PAK5: variants seen among roughly 807,000 people sequenced by gnomAD.
The protein encoded by PAK5 is serine/threonine-protein kinase PAK 5.
Under a neutral mutation model 65.9 loss-of-function variants are expected in PAK5, and 16 were observed. That is an observed-to-expected ratio of 0.24 (90% CI 0.16 to 0.37). The LOEUF (loss-of-function observed/expected upper bound fraction) is 0.37. Among genes scored for constraint, PAK5 ranks in the 10% least tolerant of loss-of-function variants. The pLI is 1.00. For missense variants in PAK5, 785 were observed against 903.9 expected (o/e 0.87, Z 1.69); for synonymous variants, 371 against 354.9 (o/e 1.05, Z -0.51).
intron 1 of PAK5, among the ~76,000 whole-genome samples, chr20:9,789,403 T>C (rs2049026180): frequency 6.6e-6 from 1 of 152,162 alleles, no homozygotes; most frequent in Non-Finnish European, 1.5e-5. Context: ...TAGGCTCGGC[T>C]CTTCAAGGTG....
At chr20:9,540,690 G>T (rs185822357) in intron 9 of PAK5, among the ~76,000 whole-genome samples, 43 of 151,442 alleles carry the variant, frequency 2.8e-4, no homozygotes, top group African/African-American at 9.2e-4. Context: ...AAGAACATTG[G>T]CACTCACTGG....
chr20:9,763,193 T>A (rs2048719811), intron 1 of PAK5, among the ~76,000 whole-genome samples: 1 of 152,150 alleles, frequency 6.6e-6, no homozygotes. Context: ...AGATCTACTA[T>A]ATAGCATAGT....
chr20:9,771,379 G>A (rs906572672), intron 1 of PAK5, among the ~76,000 whole-genome samples: 3 of 151,664 alleles, frequency 2.0e-5, no homozygotes, highest in South Asian at 2.1e-4. Flanking sequence ...ATAGCGGAGT[G>A]TCAAGAAAGA....
At chr20:9,746,082 A>T (rs989796319) in intron 1 of PAK5, among the ~76,000 whole-genome samples, 1 of 152,116 alleles carries the variant, frequency 6.6e-6, no homozygotes, top group Non-Finnish European at 1.5e-5. Context: ...CAGAGAATAA[A>T]ATCTTCTCTT....
In PAK5 at chr20:9,593,221, T is replaced by C. The variant is rs1488600792; in HGVS notation, c.205-12291A>G. Among the ~76,000 whole-genome samples, 3 of 152,056 alleles carry C rather than the reference T, an allele frequency of 2.0e-5. No individual in the cohort carries two copies. In the East Asian group the frequency reaches 5.8e-4, roughly 29 times the overall value. ...CAAGAGGCTGAGGTCGGAGGATCCC[T>C]TGAGCCCAGGAGTTGGAGTTTGCAG... On this transcript the variant is annotated intron_variant, in intron 3 of 9. Coordinates refer to ENST00000353224, the MANE Select transcript of PAK5 (RefSeq NM_177990.4).
intron 2 of PAK5, among the ~76,000 whole-genome samples, chr20:9,680,303 T>G (rs1413096191): frequency 6.6e-6 from 1 of 152,176 alleles, no homozygotes; most frequent in Admixed American, 6.5e-5. Flanking sequence ...CTGTCTTAGT[T>G]TGGGTTCTCA....
At chr20:9,817,432 T>A (rs1419658418) in intron 1 of PAK5, among the ~76,000 whole-genome samples, 1 of 152,180 alleles carries the variant, frequency 6.6e-6, no homozygotes, top group Non-Finnish European at 1.5e-5. Flanking sequence ...ACAATAGTGA[T>A]CTCTTAATAT....
chr20:9,791,157 T>C (rs1345448949), intron 1 of PAK5, among the ~76,000 whole-genome samples: 1 of 152,172 alleles, frequency 6.6e-6, no homozygotes, highest in Non-Finnish European at 1.5e-5. Flanking sequence ...ACAACTCACA[T>C]GTAGACGACT....
At chr20:9,711,168 T>C (rs1247293335) in intron 2 of PAK5, 118 bp downstream of exon 2, 2 of 152,216 alleles carry the variant, frequency 1.3e-5, no homozygotes, top group African/African-American at 4.8e-5. Context: ...TGCAGGCCTA[T>C]AGCAGTCACC....
In PAK5 at chr20:9,539,494, C is replaced by T. The variant is rs560752200; in HGVS notation, c.2128G>A (p.Val710Ile). 1.9e-5 allele frequency: 30 copies of T among 1,613,958 alleles called. 1 individual carries two copies. In the Middle Eastern group the frequency reaches 6.6e-4, roughly 36 times the overall value. Residue 710 changes from valine to isoleucine, a missense_variant, in exon 10 of 10, where the codon GTC becomes ATC. By Grantham distance (29) the Val-to-Ile change is conservative. Around this residue, in one of 4 missense-constraint regions of PAK5, gnomAD observed 110 missense variants for 107.4 expected, o/e 1.02. Coordinates refer to ENST00000353224, the MANE Select transcript of PAK5 (RefSeq NM_177990.4). ...TGCCTGTATTGTCTCATGAGGGGGA[C>T]GATGCAAGACGGTGGACCTGCTAGT... ...LKLAGPPSCI[V>I]PLMRQYRHH is the part of the protein sequence containing the mutation.
intron 2 of PAK5, among the ~76,000 whole-genome samples, chr20:9,655,006 TC>T (rs2047248569): frequency 6.6e-6 from 1 of 152,188 alleles, no homozygotes. Flanking sequence ...ATGAACACAT[TC>T]TGTCTACCCT....
At chr20:9,798,532 T>C (rs1187210125) in intron 1 of PAK5, among the ~76,000 whole-genome samples, 1 of 152,140 alleles carries the variant, frequency 6.6e-6, no homozygotes, top group Non-Finnish European at 1.5e-5. Flanking sequence ...TGGTGGTTTC[T>C]GTTTTCTCAA....
intron 1 of PAK5, among the ~76,000 whole-genome samples, chr20:9,738,371 T>G (rs1447413349): frequency 6.6e-6 from 1 of 152,134 alleles, no homozygotes; most frequent in Non-Finnish European, 1.5e-5. Context: ...TATACACATT[T>G]ATAATAACCT....
intron 4 of PAK5, among the ~76,000 whole-genome samples, chr20:9,576,775 A>C (rs2045892031): frequency 6.6e-6 from 1 of 152,228 alleles, no homozygotes; most frequent in African/African-American, 2.4e-5. Context: ...TGCTGTGAGC[A>C]TACTAAGCCT....
intron 2 of PAK5, among the ~76,000 whole-genome samples, chr20:9,668,694 A>G (rs1303340293): frequency 6.6e-6 from 1 of 152,230 alleles, no homozygotes; most frequent in African/African-American, 2.4e-5. Flanking sequence ...AAAGCATGTT[A>G]GAAGTTGTAT....
intron 6 of PAK5, among the ~76,000 whole-genome samples, chr20:9,560,816 C>T (rs2045579615): frequency 6.6e-6 from 1 of 152,140 alleles, no homozygotes; most frequent in African/African-American, 2.4e-5. Context: ...CCCTCTGTTT[C>T]CTGGAAATTA....
intron 2 of PAK5, among the ~76,000 whole-genome samples, chr20:9,694,445 T>C (rs968366017): frequency 1.3e-5 from 2 of 151,914 alleles, no homozygotes; most frequent in African/African-American, 4.8e-5. Context: ...AGGTATAACA[T>C]GTATACAGAA....
chr20:9,758,957 A>AACCT (rs2048666758), intron 1 of PAK5, among the ~76,000 whole-genome samples: 5 of 152,124 alleles, frequency 3.3e-5, no homozygotes, highest in African/African-American at 1.2e-4. Context: ...CACTGAGTGT[A>AACCT]GTTCCAGGTC....
chr20:9,798,548 C>T (rs2049132374), intron 1 of PAK5, among the ~76,000 whole-genome samples: 1 of 152,084 alleles, frequency 6.6e-6, no homozygotes, highest in African/African-American at 2.4e-5. Context: ...CTCAAAAAAG[C>T]ATGAGGCAAG....
Sources: allele counts gnomAD v4.1 joint callset (sites outside exome capture counted in the v4.1 genomes callset), GRCh38; gene constraint gnomAD v4.1.1; regional missense constraint gnomAD v4.1.1; transcripts MANE v1.5; gene names NCBI Gene and HGNC (gene_info 2026-07-23, HGNC 2026-07-21).